The following PLCD4 variants were observed in gnomAD, a reference collection of about 807,000 sequenced individuals.
PLCD4 encodes the protein phospholipase C delta 4.
A neutral mutation model predicts 90.2 loss-of-function variants in PLCD4; 63 were observed. The observed-to-expected ratio is 0.70, with a 90% CI of 0.57 to 0.86. The LOEUF is 0.86. PLCD4 is among the 40% of genes least tolerant of loss of function. The probability of loss-of-function intolerance (pLI) is 0.00; values close to 1 mark genes in which losing one functional copy is unlikely to be tolerated. For missense variants in PLCD4, 830 were observed against 956.3 expected (o/e 0.87, Z 1.74); for synonymous variants, 294 against 356.5 (o/e 0.82, Z 1.97).
In PLCD4 at chr2:218,637,052, T is replaced by A. The variant is rs557218968; in HGVS notation, c.*475T>A. ...GGCTCAAGGCTTCCCCAGCAAAGAT[T>A]AGGGAAAGAGACTTGACCCCAGGAC... On this transcript the variant is annotated 3_prime_UTR_variant, in exon 16 of 16. Transcript: ENST00000450993. 13 of 394,298 alleles carry A rather than the reference T, an allele frequency of 3.3e-5. No homozygotes were observed. The Admixed American group carries it at 3.7e-4, about 11-fold the overall frequency. The allele number at this position is 394,298 out of a possible 1,614,324, so 24.4% of individuals were successfully genotyped here.
At chr2:218,635,656 A>G in intron 13 of PLCD4, 140 bp from the exon 14 acceptor site, 1 of 1,244,626 alleles carries the variant, frequency 8.0e-7, no homozygotes, top group Non-Finnish European at 1.1e-6. Context: ...TAAATTGCAG[A>G]TAGAATACTA....
intron 10 of PLCD4, chr2:218,633,231 TGA>T (rs1488850127): frequency 2.3e-5 from 14 of 600,486 alleles, no homozygotes; most frequent in East Asian, 1.6e-4. Context: ...TTGTTTTAAA[TGA>T]GAGGGAGGGA....
intron 6 of PLCD4, among the ~76,000 whole-genome samples, chr2:218,625,368 A>C (rs1336797123): frequency 6.6e-6 from 1 of 152,066 alleles, no homozygotes; most frequent in Non-Finnish European, 1.5e-5. Flanking sequence ...AGTAAACATC[A>C]GTTACATTTG....
rs553424847 is a variant in PLCD4 at position 218,629,718 on chromosome 2, G to A, written c.1119+55G>A. On this transcript the variant is annotated intron_variant, in intron 8 of 15. Coordinates refer to ENST00000450993, the MANE Select transcript of PLCD4 (RefSeq NM_032726.4). ...AGGCCAGAAGGTCTGAGGGAAGAAC[G>A]ACTGGCTCTGGGTCTGGGGAGGGTG... 41 of 1,577,958 alleles carry A rather than the reference G, an allele frequency of 2.6e-5. No individual in the cohort carries two copies. In the East Asian group the frequency reaches 5.7e-4, roughly 22 times the overall value.
chr2:218,623,749 C>T (rs1464698749), intron 6 of PLCD4, among the ~76,000 whole-genome samples: 1 of 152,222 alleles, frequency 6.6e-6, no homozygotes, highest in Non-Finnish European at 1.5e-5. Context: ...ATGGCACGAT[C>T]TCGGCCCACC....
chr2:218,627,638 G>T (rs915350306), intron 6 of PLCD4, among the ~76,000 whole-genome samples: 1 of 151,632 alleles, frequency 6.6e-6, no homozygotes, highest in Non-Finnish European at 1.5e-5. Flanking sequence ...TCAGCCTCCC[G>T]AGTAGCTGGG....
chr2:218,628,026 C>T lies in PLCD4; in HGVS notation c.773-3C>T. On this transcript the variant is annotated splice_region_variant and splice_polypyrimidine_tract_variant and intron_variant, in intron 6 of 15. Transcript: ENST00000450993. ...ACCTAGTGTTCCCCTGTCCACACTCCAGGCAAACTGCGGCATGTGCTGAGT... is the reference window on the plus strand; with the variant it reads ...ACCTAGTGTTCCCCTGTCCACACTCTAGGCAAACTGCGGCATGTGCTGAGT... The T allele has an allele frequency of 1.2e-6, 2 of 1,611,418 alleles. No homozygotes were observed. The highest frequency in any genetic ancestry group is 1.7e-6 in the Non-Finnish European group (2 of 1,178,366).
At chr2:218,633,204 C>A (rs576807475) in intron 10 of PLCD4, 254 of 588,070 alleles carry the variant, frequency 4.3e-4, no homozygotes, top group African/African-American at 4.1e-3. Flanking sequence ...ACATTTTGAC[C>A]AAAGGTTATT....
Position 218,629,580 on chromosome 2 carries a change from C to A in PLCD4, c.1036C>A (p.Pro346Thr). The A allele has an allele frequency of 6.2e-7, 1 of 1,613,676 alleles. No homozygotes were observed. The highest frequency in any genetic ancestry group is 1.7e-4 in the Middle Eastern group (1 of 6,060). ...VDVWDGPSGE[P>T]VVYHGHTLTS... ...TGTATGGGATGGACCTAGCGGGGAA[C>A]CTGTCGTTTACCACGGACACACCCT... The change falls in exon 8 of 16, where the codon CCT becomes ACT. Residue 346 changes from proline (P) to threonine (T), a missense_variant. Transcript: ENST00000450993.
intron 3 of PLCD4, among the ~76,000 whole-genome samples, chr2:218,616,966 A>AGAG (rs1695638725): frequency 9.2e-6 from 1 of 108,306 alleles, no homozygotes; most frequent in African/African-American, 3.2e-5. Context: ...AGAGAGAGAG[A>AGAG]GAGAGAGAGA....
At position 218,628,205 on chromosome 2, in the gene PLCD4, C is replaced by T. The variant is rs757508389; in HGVS notation, c.949C>T (p.Gln317Ter). ...CCTAGTGGGGGACCAGCTTTGTGGC[C>T]AGAGCAGCGTCGAGGGATATATACG... ...TYLVGDQLCGQSSVEGYIRAL... is the reference protein window; with the variant it reads ...TYLVGDQLCG The change falls in exon 7 of 16, where the codon CAG becomes TAG. Residue 317 changes from glutamine to a stop codon, truncating the protein, a stop_gained. Coordinates refer to ENST00000450993, the MANE Select transcript of PLCD4 (RefSeq NM_032726.4). LOFTEE classifies it high-confidence loss of function. The T allele has an allele frequency of 6.2e-7, 1 of 1,613,960 alleles. No homozygotes were observed. Among genetic ancestry groups the T allele is most frequent in the Non-Finnish European group, 8.5e-7 (1 of 1,179,876 alleles).
chr2:218,634,097 T>A lies in PLCD4; in HGVS notation c.1607-8T>A, dbSNP rs1425860218. 6.2e-7 allele frequency: 1 copy of A among 1,603,354 alleles called. No individual in the cohort carries two copies. The highest frequency in any genetic ancestry group is 1.3e-5 in the African/African-American group (1 of 74,726). On this transcript the variant is annotated splice_region_variant and splice_polypyrimidine_tract_variant and intron_variant, in intron 11 of 15. Transcript: ENST00000450993. This position sits in a 1 kb window ranked among gnomAD's most constrained non-coding sequence, Gnocchi z 4.0. ...CACTTCCATCTCCCTCTCTATACCCTTTTACAGGCAATGAGTTTGTGCAGC... is the reference window on the plus strand; with the variant it reads ...CACTTCCATCTCCCTCTCTATACCCATTTACAGGCAATGAGTTTGTGCAGC...
At position 218,628,038 on chromosome 2, in the gene PLCD4, G is replaced by C. The variant is rs753062524; in HGVS notation, c.782G>C (p.Arg261Pro). The C allele has an allele frequency of 6.2e-7, 1 of 1,613,296 alleles. No individual in the cohort carries two copies. The highest frequency in any genetic ancestry group is 1.3e-5 in the African/African-American group (1 of 75,008). The change falls in exon 7 of 16, where the codon CGG becomes CCG. Residue 261 changes from arginine to proline, a missense_variant. Arg to Pro is a moderately radical substitution (Grantham distance 103). Coordinates refer to ENST00000450993, the MANE Select transcript of PLCD4 (RefSeq NM_032726.4). ...CCTGTCCACACTCCAGGCAAACTGC[G>C]GCATGTGCTGAGTATGGATGGCTTC... ...RYEPSDSGKL[R>P]HVLSMDGFLS...
intron 3 of PLCD4, among the ~76,000 whole-genome samples, chr2:218,617,244 G>A (rs1324918481): frequency 3.1e-4 from 46 of 146,180 alleles, no homozygotes; most frequent in South Asian, 6.7e-4. Context: ...GATTACAGGC[G>A]TGAGCCACTG....
chr2:218,611,057 C>A (rs1414020443), intron 1 of PLCD4, among the ~76,000 whole-genome samples: 1 of 152,092 alleles, frequency 6.6e-6, no homozygotes, highest in Non-Finnish European at 1.5e-5. Flanking sequence ...CCAGTTCTGT[C>A]ACTCATTAAA....
At chr2:218,608,997 G>A (rs187957903) in intron 1 of PLCD4, among the ~76,000 whole-genome samples, 22 of 152,074 alleles carry the variant, frequency 1.4e-4, no homozygotes, top group African/African-American at 5.3e-4. Context: ...AATTAGCCGG[G>A]CGAGGTGGGT....
chr2:218,635,357 C>T (rs955336121), intron 13 of PLCD4, among the ~76,000 whole-genome samples: 1 of 152,034 alleles, frequency 6.6e-6, no homozygotes, highest in Admixed American at 6.5e-5. Flanking sequence ...TTTGTTTATT[C>T]TGAGACAGAG....
At position 218,633,696 on chromosome 2, in the gene PLCD4, A is replaced by G; in HGVS notation, c.1541A>G (p.His514Arg). The change falls in exon 11 of 16, where the codon CAC becomes CGC. Residue 514 changes from histidine (H) to arginine (R), a missense_variant. Physicochemically the swap from His to Arg is conservative, Grantham distance 29 (BLOSUM62 0). Coordinates refer to ENST00000450993, the MANE Select transcript of PLCD4 (RefSeq NM_032726.4). ...SFRSFTHSKEHYHFYEISSFS... is the reference protein window; with the variant it reads ...SFRSFTHSKERYHFYEISSFS... Reference sequence around the variant, plus strand: ...CGCAGCTTCACACATTCAAAGGAGCACTACCACTTCTACGAGATATCATCT... The same window carrying G: ...CGCAGCTTCACACATTCAAAGGAGCGCTACCACTTCTACGAGATATCATCT... 1 of 1,613,962 alleles carries G rather than the reference A, an allele frequency of 6.2e-7. No individual in the cohort carries two copies. The highest frequency in any genetic ancestry group is 8.5e-7 in the Non-Finnish European group (1 of 1,179,860).
At chr2:218,623,780 T>G (rs1320718493) in intron 6 of PLCD4, among the ~76,000 whole-genome samples, 1 of 152,194 alleles carries the variant, frequency 6.6e-6, no homozygotes, top group Admixed American at 6.5e-5. Context: ...CCTCCCGGGT[T>G]CAAGCAATTC....
Sources: allele counts gnomAD v4.1 joint callset (sites outside exome capture counted in the v4.1 genomes callset), GRCh38; gene constraint gnomAD v4.1.1; non-coding constraint Gnocchi (gnomAD v3.1); transcripts MANE v1.5; gene names NCBI Gene and HGNC (gene_info 2026-07-23, HGNC 2026-07-21).